DCP1B: variants seen among roughly 807,000 people sequenced by gnomAD.
DCP1B encodes the protein decapping mRNA 1B.
A neutral mutation model predicts 60.5 loss-of-function variants in DCP1B; 47 were observed. The ratio of observed to expected loss-of-function variants is 0.78; its 90% CI spans 0.61 to 0.99. DCP1B has a LOEUF of 0.99. Among genes scored for constraint, DCP1B ranks in the 50% least tolerant of loss-of-function variants. The pLI, the probability that DCP1B is intolerant of heterozygous loss-of-function variation, is 0.00. For missense variants in DCP1B, 725 were observed against 756.8 expected (o/e 0.96, Z 0.49); for synonymous variants, 267 against 280.3 (o/e 0.95, Z 0.47).
At chr12:1,982,440 C>T (rs1484348378) in intron 3 of DCP1B, among the ~76,000 whole-genome samples, 3 of 152,136 alleles carry the variant, frequency 2.0e-5, no homozygotes, top group African/African-American at 7.2e-5. Flanking sequence ...AATTTGACTA[C>T]TCTAGGTACC....
At chr12:1,967,270 GAGACC>G (rs1242348056) in intron 4 of DCP1B, among the ~76,000 whole-genome samples, 1 of 152,192 alleles carries the variant, frequency 6.6e-6, no homozygotes, top group African/African-American at 2.4e-5. Context: ...TTAAAAGAAA[GAGACC>G]AGTAACAAGG....
chr12:1,966,964 C>T (rs577612252), intron 4 of DCP1B, among the ~76,000 whole-genome samples: 1 of 152,266 alleles, frequency 6.6e-6, no homozygotes, highest in Non-Finnish European at 1.5e-5. Flanking sequence ...AGTGTCATAC[C>T]CATGTGGCAG....
At chr12:1,993,745 G>T (rs1333048213) in intron 2 of DCP1B, among the ~76,000 whole-genome samples, 3 of 151,904 alleles carry the variant, frequency 2.0e-5, no homozygotes, top group Admixed American at 2.0e-4. Context: ...GACTTTTAAA[G>T]AATACTTTTT....
At chr12:1,999,179 G>A (rs1356486023) in intron 1 of DCP1B, among the ~76,000 whole-genome samples, 1 of 152,202 alleles carries the variant, frequency 6.6e-6, no homozygotes, top group Non-Finnish European at 1.5e-5. Flanking sequence ...TCAGCAATCT[G>A]GGTTTTATTA....
In DCP1B at chr12:1,949,277, T is replaced by C. The variant is rs146350416; in HGVS notation, c.1582A>G (p.Met528Val). 2.0e-4 allele frequency: 317 copies of C among 1,613,964 alleles called. No homozygotes were observed. Among genetic ancestry groups the C allele is most frequent in the African/African-American group, 1.9e-3 (141 of 74,984 alleles). ...TAAPSLLMSPMVFAQPTSVPP... is the reference protein window; with the variant it reads ...TAAPSLLMSPVVFAQPTSVPP... The stretch of plus-strand genomic sequence containing the variant: ...ACGGAGGTGGGTTGTGCGAACACCA[T>C]GGGGGACATAAGCAGAGACGGAGCT... The change falls in exon 8 of 9, where the codon ATG (methionine) becomes GTG (valine). Residue 528 changes from methionine (M) to valine (V), a missense_variant. Coordinates refer to ENST00000280665, the MANE Select transcript of DCP1B (RefSeq NM_152640.5).
rs146174318 is a variant in DCP1B, at chr12:1,954,975, C to T, written c.651+457G>A. On this transcript the variant is annotated intron_variant, in intron 6 of 8. Coordinates refer to ENST00000280665, the MANE Select transcript of DCP1B (RefSeq NM_152640.5). ...AACTCCTAAGCTCAAGGGATCCTCC[C>T]GCCTCAGCCTCCAGAGCAGCTAGCA... is the stretch of plus-strand genomic sequence containing the variant. Among the ~76,000 whole-genome samples, 400 of 152,232 alleles carry T rather than the reference C, an allele frequency of 2.6e-3. 1 individual carries two copies. Among genetic ancestry groups the T allele is most frequent in the African/African-American group, 8.7e-3 (362 of 41,548 alleles).
intron 3 of DCP1B, chr12:1,992,014 A>C (rs952891738): frequency 3.4e-6 from 1 of 294,702 alleles, no homozygotes; most frequent in Non-Finnish European, 7.1e-6. Context: ...ATAAGCACAC[A>C]AAACAATTCA....
At position 1,955,529 on chromosome 12, in the gene DCP1B, G is replaced by A; in HGVS notation, c.554C>T (p.Thr185Ile). 3 of 1,613,730 alleles carry A rather than the reference G, an allele frequency of 1.9e-6. No homozygotes were observed. Among genetic ancestry groups the A allele is most frequent in the African/African-American group, 1.3e-5 (1 of 75,020 alleles). Residue 185 changes from threonine to isoleucine, a missense_variant, in exon 6 of 9, where the codon ACC becomes ATC. Physicochemically the swap from Thr to Ile is moderately conservative, Grantham distance 89. Coordinates refer to ENST00000280665, the MANE Select transcript of DCP1B (RefSeq NM_152640.5). ...CKTCSEPKKI[T>I]SSSAIYDNPN... ...ATTGTCATAGATGGCAGAGGAACTG[G>A]TTATCTTTTTTGGCTCAGAACAGGT... is the stretch of plus-strand genomic sequence containing the variant.
rs2030753516 is a variant in DCP1B, at chr12:1,953,187, G to GC, written c.752_753insG (p.His251GlnfsTer17). On this transcript the variant is annotated frameshift_variant, in exon 7 of 9. Transcript: ENST00000280665. LOFTEE classifies it high-confidence loss of function. The stretch of plus-strand genomic sequence containing the variant: ...GCTGCTGCTGCTGCTGCTGCTGCTG[G>GC]TGGAGAGTCTGCGGAGGCTCCACAG... 4 of 1,493,030 alleles carry GC rather than the reference G, an allele frequency of 2.7e-6. No individual in the cohort carries two copies. The highest frequency in any genetic ancestry group is 2.4e-5 in the East Asian group (1 of 42,338). 92.5% of individuals were successfully genotyped at this position (1,493,030 alleles called of 1,614,324 possible).
At chr12:1,966,218 A>G (rs2031290128) in intron 4 of DCP1B, 1 of 152,216 alleles carries the variant, frequency 6.6e-6, no homozygotes, top group South Asian at 2.1e-4. Flanking sequence ...GACTGCCTTG[A>G]AGTCAAGGCA....
chr12:1,980,354 T>G (rs888442763), intron 3 of DCP1B, among the ~76,000 whole-genome samples: 3 of 152,344 alleles, frequency 2.0e-5, no homozygotes, highest in Admixed American at 6.5e-5. Context: ...TCTTTTCATG[T>G]GACTATTGGT....
rs1304172803 is a variant in DCP1B at position 1,948,973 on chromosome 12, C to T, written c.1773+113G>A. The T allele has an allele frequency of 1.4e-6, 2 of 1,391,940 alleles. No homozygotes were observed. Among genetic ancestry groups the T allele is most frequent in the East Asian group, 2.3e-5 (1 of 42,708 alleles). 86.2% of individuals were successfully genotyped at this position (1,391,940 alleles called of 1,614,324 possible). On this transcript the variant is annotated intron_variant, in intron 8 of 8. Coordinates refer to ENST00000280665, the MANE Select transcript of DCP1B (RefSeq NM_152640.5). This position sits in a 1 kb window ranked among gnomAD's most constrained non-coding sequence, Gnocchi z 4.8. ...GGGTCAGGATGAGTTGTTACACACA[C>T]CTGTTATTCTCACGGAAGCTAAGCA...
chr12:1,973,945 T>C (rs77364598), intron 3 of DCP1B, among the ~76,000 whole-genome samples: 1 of 152,316 alleles, frequency 6.6e-6, no homozygotes, highest in East Asian at 1.9e-4. Flanking sequence ...GCTTTCTCAC[T>C]CCTCTAGGAA....
At chr12:1,995,615 C>G (rs2040609985) in intron 2 of DCP1B, among the ~76,000 whole-genome samples, 2 of 152,196 alleles carry the variant, frequency 1.3e-5, no homozygotes, top group South Asian at 4.1e-4. Flanking sequence ...TGGAACAGAC[C>G]TTCCTCCCCT....
At chr12:1,983,686 C>G (rs542873149) in intron 3 of DCP1B, among the ~76,000 whole-genome samples, 1 of 152,098 alleles carries the variant, frequency 6.6e-6, no homozygotes, top group Admixed American at 6.5e-5. Context: ...TTGAGAAGAA[C>G]GTCCATTCTG....
At chr12:1,993,495 A>G in intron 2 of DCP1B, 104 bp from the exon 3 acceptor site, 1 of 1,432,164 alleles carries the variant, frequency 7.0e-7, no homozygotes, top group Non-Finnish European at 9.4e-7. Context: ...CTTTGTTTGT[A>G]TATGCAGCTT....
Position 1,997,980 on chromosome 12 carries a change from A to T in DCP1B, c.151-5T>A. 6.2e-7 allele frequency: 1 copy of T among 1,607,998 alleles called. No individual in the cohort carries two copies. The highest frequency in any genetic ancestry group is 1.1e-5 in the South Asian group (1 of 89,470). On this transcript the variant is annotated splice_region_variant and splice_polypyrimidine_tract_variant and intron_variant, in intron 1 of 8. Transcript: ENST00000280665. ...TCCTTCCACATCAGTTTTCTCCTAA[A>T]CAATAAAAACAAAACACACAAGACA...
chr12:1,959,283 G>T, intron 5 of DCP1B, among the ~76,000 whole-genome samples: 1 of 152,258 alleles, frequency 6.6e-6, no homozygotes, highest in Non-Finnish European at 1.5e-5. Flanking sequence ...GGAAACAGCA[G>T]AGTGAAGAGA....
intron 1 of DCP1B, 24 bp downstream of exon 1, chr12:2,004,258 C>T (rs2042894805): frequency 6.2e-7 from 1 of 1,612,304 alleles, no homozygotes; most frequent in African/African-American, 1.3e-5. Flanking sequence ...CTGGGCTGCA[C>T]TGCTCCGCCG....
Sources: gnomAD v4.1 joint callset for allele counts (sites outside exome capture counted in the v4.1 genomes callset) on GRCh38, gnomAD v4.1.1 for gene constraint, Gnocchi (gnomAD v3.1) non-coding constraint, MANE v1.5 for transcripts, NCBI Gene and HGNC (gene_info 2026-07-23, HGNC 2026-07-21) for gene names.